The following SLC44A5 variants were observed in gnomAD, a reference collection of about 807,000 sequenced individuals.
SLC44A5 encodes choline transporter-like protein 5.
A neutral mutation model predicts 101.8 loss-of-function variants in SLC44A5; 57 were observed. That is an observed-to-expected ratio of 0.56 (90% CI 0.45 to 0.70). SLC44A5 has a LOEUF of 0.70. SLC44A5 is among the 30% of genes least tolerant of loss of function. The pLI is 0.00. For missense variants in SLC44A5, 737 were observed against 853.1 expected (o/e 0.86, Z 1.70); for synonymous variants, 281 against 290.9 (o/e 0.97, Z 0.35).
chr1:75,558,080 G>T (rs1672317439), intron 1 of SLC44A5, among the ~76,000 whole-genome samples: 1 of 152,026 alleles, frequency 6.6e-6, no homozygotes, highest in Admixed American at 6.6e-5. Context: ...ATGACAATTT[G>T]ATAACTGCTA....
chr1:75,227,632 T>C, intron 13 of SLC44A5, 94 bp downstream of exon 13: 1 of 963,208 alleles, frequency 1.0e-6, no homozygotes, highest in South Asian at 2.2e-5. Context: ...GATAAATACA[T>C]TTAACAGGTT....
the SLC44A5 span, among the ~76,000 whole-genome samples, chr1:75,665,513 T>C: frequency 6.6e-6 from 1 of 152,096 alleles, no homozygotes; most frequent in African/African-American, 2.4e-5. Context: ...AGAAGAAAAC[T>C]TAGGGAACAC....
the SLC44A5 span, among the ~76,000 whole-genome samples, chr1:75,665,645 A>C: frequency 6.6e-6 from 1 of 152,164 alleles, no homozygotes; most frequent in Non-Finnish European, 1.5e-5. Context: ...AAAGAAACTA[A>C]CAGAGTAAAT....
At chr1:75,638,839 G>A in the SLC44A5 span, among the ~76,000 whole-genome samples, 2 of 151,832 alleles carry the variant, frequency 1.3e-5, no homozygotes, top group African/African-American at 4.8e-5. Flanking sequence ...CCAATATCTT[G>A]GCTGTTGTGA....
At chr1:75,260,149 T>C (rs922371998) in intron 6 of SLC44A5, among the ~76,000 whole-genome samples, 3 of 152,098 alleles carry the variant, frequency 2.0e-5, no homozygotes, top group African/African-American at 7.2e-5. Flanking sequence ...GCTGGCATCA[T>C]AATGGCAGGA....
intron 6 of SLC44A5, among the ~76,000 whole-genome samples, chr1:75,263,968 T>C (rs2100701932): frequency 6.6e-6 from 1 of 151,892 alleles, no homozygotes; most frequent in East Asian, 1.9e-4. Flanking sequence ...CATCACACAC[T>C]GGGGCCTGTT....
intron 2 of SLC44A5, among the ~76,000 whole-genome samples, chr1:75,518,838 C>T (rs1669970610): frequency 6.6e-6 from 1 of 152,100 alleles, no homozygotes. Flanking sequence ...TTGCCTAGGG[C>T]TGGGGGCTGG....
intron 2 of SLC44A5, among the ~76,000 whole-genome samples, chr1:75,517,652 A>G (rs903347255): frequency 6.6e-6 from 1 of 152,238 alleles, no homozygotes; most frequent in Non-Finnish European, 1.5e-5. Context: ...AGGATTTCAC[A>G]TAAATAGAGG....
the SLC44A5 span, among the ~76,000 whole-genome samples, chr1:75,668,733 G>A: frequency 1.4e-4 from 21 of 151,684 alleles, no homozygotes; most frequent in Admixed American, 5.9e-4. Context: ...AGTGGCTCAC[G>A]CCTGCAATCC....
At chr1:75,398,437 G>T in intron 2 of SLC44A5, 1 of 978,568 alleles carries the variant, frequency 1.0e-6, no homozygotes, top group Non-Finnish European at 1.2e-6. Context: ...AATGAGAGGA[G>T]AAGGGAACTG....
At chr1:75,689,737 C>A in the SLC44A5 span, among the ~76,000 whole-genome samples, 1 of 152,214 alleles carries the variant, frequency 6.6e-6, no homozygotes, top group Non-Finnish European at 1.5e-5. Flanking sequence ...CCACTCAAAC[C>A]ATCTGAGACT....
At chr1:75,303,099 G>T (rs1250141088) in intron 4 of SLC44A5, among the ~76,000 whole-genome samples, 1 of 152,114 alleles carries the variant, frequency 6.6e-6, no homozygotes, top group Non-Finnish European at 1.5e-5. Flanking sequence ...CTATTATAAG[G>T]TTTTGTATTT....
chr1:75,387,065 T>C (rs1343553654), intron 3 of SLC44A5, among the ~76,000 whole-genome samples: 5 of 152,108 alleles, frequency 3.3e-5, no homozygotes, highest in Non-Finnish European at 5.9e-5. Flanking sequence ...CAATTCAAGA[T>C]GGATTAAAGA....
chr1:75,312,026 G>A (rs1655342057), intron 4 of SLC44A5, among the ~76,000 whole-genome samples: 1 of 152,182 alleles, frequency 6.6e-6, no homozygotes, highest in African/African-American at 2.4e-5. Context: ...ACATGTTGAT[G>A]AGGGGGGCTG....
At chr1:75,305,546 T>C (rs1237630098) in intron 4 of SLC44A5, among the ~76,000 whole-genome samples, 2 of 152,248 alleles carry the variant, frequency 1.3e-5, no homozygotes, top group Non-Finnish European at 1.5e-5. Context: ...GCTACCTTTC[T>C]AGCTGTATCT....
chr1:75,315,517 C>T (rs1381435163), intron 4 of SLC44A5, among the ~76,000 whole-genome samples: 1 of 152,054 alleles, frequency 6.6e-6, no homozygotes, highest in Non-Finnish European at 1.5e-5. Context: ...TAGAAAAACC[C>T]TCTCACATGC....
chr1:75,641,575 A>G, the SLC44A5 span: 1 of 1,512,606 alleles, frequency 6.6e-7, no homozygotes, highest in Non-Finnish European at 9.2e-7. Flanking sequence ...CTTCTACATG[A>G]TCTTCCCCTT....
chr1:75,454,091 A>G (rs747707064), intron 2 of SLC44A5, among the ~76,000 whole-genome samples: 1 of 152,068 alleles, frequency 6.6e-6, no homozygotes, highest in Non-Finnish European at 1.5e-5. Flanking sequence ...TGAGGACACA[A>G]CGAAAAAAGA....
At chr1:75,536,333 C>T (rs1320861960) in intron 2 of SLC44A5, among the ~76,000 whole-genome samples, 2 of 151,792 alleles carry the variant, frequency 1.3e-5, no homozygotes, top group African/African-American at 4.8e-5. Context: ...GACGCGGTGG[C>T]TCACGCCTGT....
Sources: allele counts gnomAD v4.1 joint callset (sites outside exome capture counted in the v4.1 genomes callset), GRCh38; gene constraint gnomAD v4.1.1; transcripts MANE v1.5; gene names NCBI Gene and HGNC (gene_info 2026-07-23, HGNC 2026-07-21).